The following BRPF3 variants were observed in gnomAD, a reference collection of about 807,000 sequenced individuals.
The protein encoded by BRPF3 is bromodomain and PHD finger-containing protein 3.
A neutral mutation model predicts 102.0 loss-of-function variants in BRPF3; 18 were observed. The observed-to-expected ratio is 0.18, with a 90% CI of 0.12 to 0.26. The LOEUF (loss-of-function observed/expected upper bound fraction) is 0.26, where lower values mean the gene tolerates loss of function less well. Ranked by LOEUF, BRPF3 falls within the 10% of genes least tolerant of loss-of-function variation. The pLI is 1.00. For missense variants in BRPF3, 1,147 were observed against 1,567.8 expected (o/e 0.73, Z 4.53); for synonymous variants, 570 against 614.2 (o/e 0.93, Z 1.06).
chr6:36,212,723 G>A (rs1340678202), intron 7 of BRPF3, among the ~76,000 whole-genome samples: 2 of 152,114 alleles, frequency 1.3e-5, no homozygotes, highest in East Asian at 1.9e-4. Flanking sequence ...GGAGGCCGAG[G>A]CGGGTGGATC....
intron 3 of BRPF3, among the ~76,000 whole-genome samples, 197 bp from the exon 4 acceptor site, chr6:36,207,116 A>G (rs574121174): frequency 6.6e-5 from 10 of 152,298 alleles, no homozygotes; most frequent in African/African-American, 2.4e-4. Flanking sequence ...TTATTGCTTT[A>G]TAATGAAGAA....
chr6:36,221,620 C>T (rs955333345), intron 9 of BRPF3, among the ~76,000 whole-genome samples: 3 of 152,262 alleles, frequency 2.0e-5, no homozygotes, highest in Admixed American at 2.0e-4. Context: ...TCTCTCTATC[C>T]AAGAAAAACT....
chr6:36,213,881 T>A lies in BRPF3; in HGVS notation c.2484T>A (p.Asp828Glu), dbSNP rs746363324. 47 of 1,582,844 alleles carry A rather than the reference T, an allele frequency of 3.0e-5. No homozygotes were observed. The highest frequency in any genetic ancestry group is 3.8e-5 in the Non-Finnish European group (44 of 1,165,942). Residue 828 changes from aspartate to glutamate, a missense_variant and splice_region_variant, in exon 8 of 13, where the codon GAT becomes GAA. Coordinates refer to ENST00000357641, the MANE Select transcript of BRPF3 (RefSeq NM_015695.3). Reference sequence around the variant, plus strand: ...GCAGATTCTCTTTTTTTCTAATAGATGACTCCAAACTGCCTCCTCCGCCAA... The same window carrying A: ...GCAGATTCTCTTTTTTTCTAATAGAAGACTCCAAACTGCCTCCTCCGCCAA... Reference protein sequence around the residue: ...QEEPEDDGDRDDSKLPPPPTL... With the variant: ...QEEPEDDGDREDSKLPPPPTL...
In BRPF3 at chr6:36,204,828, T is replaced by C. The variant is rs747039619; in HGVS notation, c.1605+14T>C. 1.8e-5 allele frequency: 29 copies of C among 1,609,222 alleles called. No homozygotes were observed. In the Middle Eastern group the frequency reaches 8.4e-4, roughly 47 times the overall value. Reference sequence around the variant, plus strand: ...AACGCTGAGCAGGTAGGTGCAGTGGTGATTTGAGGCTGGTAGAGGGAGGTG... The same window carrying C: ...AACGCTGAGCAGGTAGGTGCAGTGGCGATTTGAGGCTGGTAGAGGGAGGTG... On this transcript the variant is annotated intron_variant, in intron 3 of 12. Transcript: ENST00000357641.
chr6:36,220,469 A>G (rs1768495498), intron 9 of BRPF3, among the ~76,000 whole-genome samples: 1 of 152,214 alleles, frequency 6.6e-6, no homozygotes, highest in African/African-American at 2.4e-5. Flanking sequence ...AACTGATAAC[A>G]AGAGCTGGGT....
chr6:36,229,934 G>T (rs909216126), intron 12 of BRPF3, among the ~76,000 whole-genome samples: 6 of 152,174 alleles, frequency 3.9e-5, no homozygotes, highest in Non-Finnish European at 8.8e-5. Context: ...TGCTCCAAAG[G>T]CTGTATCCTT....
intron 1 of BRPF3, among the ~76,000 whole-genome samples, chr6:36,199,182 C>G (rs1346718913): frequency 1.3e-5 from 2 of 152,212 alleles, no homozygotes; most frequent in Non-Finnish European, 2.9e-5. Flanking sequence ...GGCAAGCGAG[C>G]ATTACCACCT....
At chr6:36,207,957 T>TCA (rs1268531680) in intron 4 of BRPF3, among the ~76,000 whole-genome samples, 6 of 152,246 alleles carry the variant, frequency 3.9e-5, no homozygotes, top group East Asian at 1.9e-4. Flanking sequence ...ACATGAGCTA[T>TCA]GGCACCAGAC....
At chr6:36,225,462 T>C in intron 11 of BRPF3, 98 bp downstream of exon 11, 1 of 1,080,702 alleles carries the variant, frequency 9.3e-7, no homozygotes, top group Non-Finnish European at 1.3e-6. Flanking sequence ...GGAGTCAGAG[T>C]GTCTTTAGCT....
rs1338696825 is a variant in BRPF3 at position 36,200,478 on chromosome 6, C to G, written c.156C>G (p.Ile52Met). The G allele has an allele frequency of 8.1e-6, 13 of 1,614,130 alleles. No homozygotes were observed. The South Asian group carries it at 1.4e-4, about 18-fold the overall frequency. ...ACATTGATGGACGCCTGCATCGTAT[C>G]AGCATCTATGACCCACTCAAAATCA... ...EVDIDGRLHRISIYDPLKIIT... is the reference protein window; with the variant it reads ...EVDIDGRLHRMSIYDPLKIIT... The change falls in exon 2 of 13, where the codon ATC becomes ATG. Residue 52 changes from isoleucine (I) to methionine (M), a missense_variant. Ile to Met is a conservative substitution (Grantham distance 10). This residue lies in a region of BRPF3 where 221 missense variants were observed against 337.1 expected (regional missense o/e 0.66). Transcript: ENST00000357641. The surrounding 1 kb of genome is among the most constrained non-coding windows in gnomAD (Gnocchi z 5.3).
In BRPF3 at chr6:36,200,786, A is replaced by G. The variant is rs760389567; in HGVS notation, c.464A>G (p.Asp155Gly). 1.2e-6 allele frequency: 2 copies of G among 1,614,174 alleles called. No individual in the cohort carries two copies. The highest frequency in any genetic ancestry group is 1.7e-6 in the Non-Finnish European group (2 of 1,180,018). Residue 155 changes from aspartate to glycine, a missense_variant, in exon 2 of 13, where the codon GAC becomes GGC. Asp to Gly is a moderately conservative substitution (Grantham distance 94, BLOSUM62 -1). This residue lies in a region of BRPF3 where 221 missense variants were observed against 337.1 expected (regional missense o/e 0.66). Coordinates refer to ENST00000357641, the MANE Select transcript of BRPF3 (RefSeq NM_015695.3). The surrounding 1 kb of genome is among the most constrained non-coding windows in gnomAD (Gnocchi z 5.3). ...GACCTGGATGCAGAGGTAGAGTATGACATGGATGAGGAGGACCTTGCCTGG... is the reference window on the plus strand; with the variant it reads ...GACCTGGATGCAGAGGTAGAGTATGGCATGGATGAGGAGGACCTTGCCTGG... ...PEDLDAEVEY[D>G]MDEEDLAWLD...
intron 10 of BRPF3, among the ~76,000 whole-genome samples, chr6:36,223,081 GGT>G: frequency 6.6e-6 from 1 of 152,260 alleles, no homozygotes; most frequent in South Asian, 2.1e-4. Context: ...AGAGGCCTGG[GGT>G]GGTGCTTAGG....
At chr6:36,203,494 C>T (rs1767791921) in intron 2 of BRPF3, among the ~76,000 whole-genome samples, 1 of 152,200 alleles carries the variant, frequency 6.6e-6, no homozygotes. Context: ...CTGCCTACAT[C>T]TGGGCAGGTG....
chr6:36,209,750 G>T, intron 4 of BRPF3, 37 bp from the exon 5 acceptor site: 1 of 1,590,084 alleles, frequency 6.3e-7, no homozygotes, highest in Non-Finnish European at 8.5e-7. Context: ...CTTTGCAGGG[G>T]ATGTTCTGAT....
At chr6:36,222,048 C>A in intron 9 of BRPF3, 120 bp from the exon 10 acceptor site, 2 of 922,020 alleles carry the variant, frequency 2.2e-6, no homozygotes, top group Non-Finnish European at 3.3e-6. Context: ...GAGAAACTGT[C>A]CTCCCTGAAG....
intron 8 of BRPF3, among the ~76,000 whole-genome samples, chr6:36,215,694 G>T (rs1240788396): frequency 6.6e-6 from 1 of 152,222 alleles, no homozygotes; most frequent in Non-Finnish European, 1.5e-5. Flanking sequence ...AAGGCCTCAG[G>T]CCTGGGTGTG....
In BRPF3 at chr6:36,204,552, T is replaced by C. The variant is rs553253372; in HGVS notation, c.1449-106T>C. 3.0e-6 allele frequency: 4 copies of C among 1,354,246 alleles called. No homozygotes were observed. The East Asian group carries it at 9.2e-5, about 31-fold the overall frequency. 83.9% of individuals were successfully genotyped at this position (1,354,246 alleles called of 1,614,324 possible). A position where few individuals can be genotyped will look rare whatever the true frequency, so the allele number is the denominator to read the frequency against. On this transcript the variant is annotated intron_variant, in intron 2 of 12. Transcript: ENST00000357641. Reference sequence around the variant, plus strand: ...AGGTATTTGGCCATTTTATTCTGTCTTCCTGTATAAGGTTCAGAAATGAAC... The same window carrying C: ...AGGTATTTGGCCATTTTATTCTGTCCTCCTGTATAAGGTTCAGAAATGAAC...
chr6:36,207,593 A>G (rs1038682236), intron 4 of BRPF3, 149 bp downstream of exon 4: 3 of 1,138,800 alleles, frequency 2.6e-6, no homozygotes, highest in Non-Finnish European at 3.6e-6. Context: ...AGATCTGCCT[A>G]CTTTGTATTA....
chr6:36,223,407 CT>C (rs778806703), intron 10 of BRPF3, among the ~76,000 whole-genome samples: 12 of 152,176 alleles, frequency 7.9e-5, no homozygotes, highest in African/African-American at 1.2e-4. Context: ...GATTGGCACA[CT>C]TTGTGCTTCT....
Sources: allele counts gnomAD v4.1 joint callset (sites outside exome capture counted in the v4.1 genomes callset), GRCh38; gene constraint gnomAD v4.1.1; regional missense constraint gnomAD v4.1.1; non-coding constraint Gnocchi (gnomAD v3.1); transcripts MANE v1.5; gene names NCBI Gene and HGNC (gene_info 2026-07-23, HGNC 2026-07-21).